The following CORO2A variants were observed in gnomAD, a reference collection of about 807,000 sequenced individuals.
CORO2A encodes the protein coronin-2A.
In CORO2A, 47 loss-of-function variants were observed where a neutral mutation model predicts 62.4. The observed-to-expected ratio is 0.75, with a 90% CI of 0.60 to 0.96. CORO2A has a LOEUF of 0.96. Among genes scored for constraint, CORO2A ranks in the 40% least tolerant of loss-of-function variants. The pLI, the probability that CORO2A is intolerant of heterozygous loss-of-function variation, is 0.00. For missense variants in CORO2A, 610 were observed against 684.1 expected (o/e 0.89, Z 1.21); for synonymous variants, 273 against 268.9 (o/e 1.02, Z -0.15).
intron 2 of CORO2A, among the ~76,000 whole-genome samples, chr9:98,150,297 G>A (rs1044946853): frequency 3.3e-5 from 5 of 152,124 alleles, no homozygotes; most frequent in African/African-American, 1.2e-4. Flanking sequence ...ACTCCTGCCT[G>A]GGCTTACGAC....
At chr9:98,142,134 T>C (rs562877711) in intron 2 of CORO2A, among the ~76,000 whole-genome samples, 21 of 152,368 alleles carry the variant, frequency 1.4e-4, no homozygotes, top group African/African-American at 5.0e-4. Flanking sequence ...ACTTCTGTTA[T>C]AAAACTGTAG....
At chr9:98,132,828 A>G (rs916177608) in intron 5 of CORO2A, among the ~76,000 whole-genome samples, 1 of 152,200 alleles carries the variant, frequency 6.6e-6, no homozygotes, top group Non-Finnish European at 1.5e-5. Context: ...GAGTCATTTC[A>G]TCTCTCACGG....
In CORO2A at chr9:98,122,397, C is replaced by T. The variant is rs1466950455; in HGVS notation, c.*2377G>A. On this transcript the variant is annotated 3_prime_UTR_variant, in exon 12 of 12. Coordinates refer to ENST00000375077, the MANE Select transcript of CORO2A (RefSeq NM_052820.4). ...TAATGTACACAGCTTGGGTTGAAAC[C>T]TACCAGACTAGGTGGCCTCCTGCAG... The T allele has an allele frequency of 1.3e-5, 2 of 152,204 alleles. No individual in the cohort carries two copies. Among genetic ancestry groups the T allele is most frequent in the African/African-American group, 4.8e-5 (2 of 41,434 alleles). 9.4% of individuals were successfully genotyped at this position (152,204 alleles called of 1,614,324 possible). A position where few individuals can be genotyped will look rare whatever the true frequency, so the allele number is the denominator to read the frequency against.
chr9:98,158,969 A>G (rs1402982261), intron 1 of CORO2A, among the ~76,000 whole-genome samples: 1 of 152,136 alleles, frequency 6.6e-6, no homozygotes, highest in African/African-American at 2.4e-5. Context: ...GGCCAAACCC[A>G]TACCCATAAT....
At chr9:98,190,099 G>A (rs1828288474) in intron 1 of CORO2A, among the ~76,000 whole-genome samples, 1 of 152,120 alleles carries the variant, frequency 6.6e-6, no homozygotes, top group Non-Finnish European at 1.5e-5. Flanking sequence ...TGCCCAGGCT[G>A]GTCTCAAACT....
rs149125179 is a variant in CORO2A at position 98,126,815 on chromosome 9, G to C, written c.1180C>G (p.Leu394Val). 2.5e-5 allele frequency: 40 copies of C among 1,614,070 alleles called. No individual in the cohort carries two copies. The African/African-American group carries it at 5.2e-4, about 21-fold the overall frequency. ...WLSGMNRDPILVSLRPGSELL... is the reference protein window; with the variant it reads ...WLSGMNRDPIVVSLRPGSELL... The stretch of plus-strand genomic sequence containing the variant: ...TCAGAGCCAGGCCTAAGGGACACCA[G>C]GATTGGGTCTGGAAGGGAAGCAGAG... Residue 394 changes from leucine to valine, a missense_variant, in exon 11 of 12, where the codon CTG (leucine) becomes GTG (valine). Coordinates refer to ENST00000375077, the MANE Select transcript of CORO2A (RefSeq NM_052820.4).
At chr9:98,189,037 C>T (rs1184946915) in intron 1 of CORO2A, among the ~76,000 whole-genome samples, 7 of 152,182 alleles carry the variant, frequency 4.6e-5, no homozygotes, top group Non-Finnish European at 8.8e-5. Flanking sequence ...TTCCTTGTCC[C>T]CACCACACCC....
chr9:98,139,667 A>T (rs1236056815), intron 2 of CORO2A, among the ~76,000 whole-genome samples: 1 of 152,084 alleles, frequency 6.6e-6, no homozygotes, highest in African/African-American at 2.4e-5. Flanking sequence ...ATGGTGTCGC[A>T]CACCTGTAGT....
At chr9:98,160,339 G>A (rs747489903) in intron 1 of CORO2A, among the ~76,000 whole-genome samples, 3 of 152,206 alleles carry the variant, frequency 2.0e-5, no homozygotes, top group Non-Finnish European at 4.4e-5. Context: ...CACCTGAAAC[G>A]CAGGAGGAGT....
chr9:98,133,033 C>G lies in CORO2A; in HGVS notation c.648+5G>C. 2 of 1,614,074 alleles carry G rather than the reference C, an allele frequency of 1.2e-6. No individual in the cohort carries two copies. Among genetic ancestry groups the G allele is most frequent in the Non-Finnish European group, 1.7e-6 (2 of 1,179,938 alleles). On this transcript the variant is annotated splice_donor_5th_base_variant and intron_variant, in intron 5 of 11. Coordinates refer to ENST00000375077, the MANE Select transcript of CORO2A (RefSeq NM_052820.4). ...GCCTGAGCCAGCCCCTGGCCCAGAA[C>G]TGACCTGGAGGACGGTCCCTGCTCG... is the stretch of plus-strand genomic sequence containing the variant.
chr9:98,188,458 C>T (rs958646835), intron 1 of CORO2A, among the ~76,000 whole-genome samples: 1 of 152,098 alleles, frequency 6.6e-6, no homozygotes, highest in Non-Finnish European at 1.5e-5. Flanking sequence ...CCCCTTTCCC[C>T]AGCACTTAGA....
At chr9:98,132,398 C>T in intron 5 of CORO2A, 97 bp from the exon 6 acceptor site, 2 of 917,002 alleles carry the variant, frequency 2.2e-6, no homozygotes, top group Admixed American at 1.9e-5. Context: ...CACCGCTCCA[C>T]CTGGGAGGCC....
intron 4 of CORO2A, 124 bp from the exon 5 acceptor site, chr9:98,133,341 G>T: frequency 1.1e-6 from 1 of 894,450 alleles, no homozygotes; most frequent in Non-Finnish European, 1.7e-6. Flanking sequence ...TGGCAGCCTG[G>T]CCAAGAAGCC....
At chr9:98,132,538 C>A (rs930995911) in intron 5 of CORO2A, among the ~76,000 whole-genome samples, 33 of 152,358 alleles carry the variant, frequency 2.2e-4, no homozygotes, top group African/African-American at 7.2e-4. Context: ...CAGAAACAAA[C>A]TTCTGCCCAG....
intron 1 of CORO2A, among the ~76,000 whole-genome samples, chr9:98,186,076 G>T (rs886827440): frequency 2.6e-5 from 4 of 152,232 alleles, no homozygotes; most frequent in African/African-American, 9.6e-5. Flanking sequence ...CCATTTGCCA[G>T]GGCCCCTACA....
At chr9:98,155,438 C>T (rs762171571) in intron 2 of CORO2A, among the ~76,000 whole-genome samples, 4 of 150,506 alleles carry the variant, frequency 2.7e-5, no homozygotes, top group Non-Finnish European at 1.5e-5. Flanking sequence ...CCTCTGCCTC[C>T]TGCGTTCAAG....
intron 1 of CORO2A, among the ~76,000 whole-genome samples, chr9:98,190,119 A>T (rs1828288749): frequency 6.6e-6 from 1 of 152,210 alleles, no homozygotes; most frequent in African/African-American, 2.4e-5. Flanking sequence ...TCTAGACCTC[A>T]GGTGATCCGC....
At chr9:98,151,703 C>T (rs1343986867) in intron 2 of CORO2A, among the ~76,000 whole-genome samples, 1 of 152,122 alleles carries the variant, frequency 6.6e-6, no homozygotes, top group Non-Finnish European at 1.5e-5. Context: ...TGCTCTGTCA[C>T]CCAGGCTGGA....
intron 6 of CORO2A, 105 bp from the exon 7 acceptor site, chr9:98,131,164 G>T (rs985658551): frequency 2.8e-6 from 2 of 703,228 alleles, no homozygotes; most frequent in East Asian, 5.5e-5. Context: ...GCGAGAGTGT[G>T]TGTGTCAGAG....
Sources: allele counts gnomAD v4.1 joint callset (sites outside exome capture counted in the v4.1 genomes callset), GRCh38; gene constraint gnomAD v4.1.1; transcripts MANE v1.5; gene names NCBI Gene and HGNC (gene_info 2026-07-23, HGNC 2026-07-21).